KLHDC8B: variants seen among roughly 807,000 people sequenced by gnomAD.
The protein encoded by KLHDC8B is kelch domain-containing protein 8B.
A neutral mutation model predicts 26.3 loss-of-function variants in KLHDC8B; 19 were observed. The observed-to-expected ratio is 0.72, with a 90% confidence interval of 0.50 to 1.06. The LOEUF (loss-of-function observed/expected upper bound fraction) is 1.06, where lower values mean the gene tolerates loss of function less well. Among genes scored for constraint, KLHDC8B ranks in the 50% least tolerant of loss-of-function variants. KLHDC8B has a pLI of 0.00. For synonymous variants in KLHDC8B, 150 were observed against 188.4 expected (o/e 0.80, Z 1.67); for missense variants, 411 against 488.1 (o/e 0.84, Z 1.49).
chr3:49,174,915 T>G lies in KLHDC8B; in HGVS notation c.715T>G (p.Tyr239Asp). The change falls in exon 4 of 6, where the codon TAC becomes GAC. Residue 239 changes from tyrosine (Y) to aspartate (D), a missense_variant. Tyr to Asp is a radical substitution (Grantham distance 160, BLOSUM62 -3). Coordinates refer to ENST00000332780, the MANE Select transcript of KLHDC8B (RefSeq NM_173546.3). ...GLQQPGPHNF[Y>D]SRPHFVNTVE... ...GCAGCAGCCTGGGCCCCACAACTTC[T>G]ACTCTCGCCCACACTTTGTCAACAC... 3 of 1,614,174 alleles carry G rather than the reference T, an allele frequency of 1.9e-6. No individual in the cohort carries two copies. Among genetic ancestry groups the G allele is most frequent in the Non-Finnish European group, 2.5e-6 (3 of 1,180,032 alleles).
At position 49,175,620 on chromosome 3, in the gene KLHDC8B, C is replaced by T. The variant is rs375754493; in HGVS notation, c.884C>T (p.Pro295Leu). 2 of 1,568,296 alleles carry T rather than the reference C, an allele frequency of 1.3e-6. No individual in the cohort carries two copies. The highest frequency in any genetic ancestry group is 1.7e-6 in the Non-Finnish European group (2 of 1,156,366). ...AIGGLGNQPCPLGSVESFSLA... is the reference protein window; with the variant it reads ...AIGGLGNQPCLLGSVESFSLA... ...CTTCTTGCAGGAAACCAGCCATGTC[C>T]TTTGGGCTCTGTGGAGAGCTTTAGC... The change falls in exon 6 of 6, where the codon CCT (proline) becomes CTT (leucine). Residue 295 changes from proline (P) to leucine (L), a missense_variant. Coordinates refer to ENST00000332780, the MANE Select transcript of KLHDC8B (RefSeq NM_173546.3).
Position 49,172,645 on chromosome 3 carries a change from A to G in KLHDC8B, c.-125A>G, listed in dbSNP as rs1024870769. 1.1e-6 allele frequency: 1 copy of G among 921,446 alleles called. No homozygotes were observed. The highest frequency in any genetic ancestry group is 1.6e-6 in the Non-Finnish European group (1 of 625,102). 57.1% of individuals were successfully genotyped at this position (921,446 alleles called of 1,614,324 possible). A position where few individuals can be genotyped will look rare whatever the true frequency, so the allele number is the denominator to read the frequency against. ...TCCCTCTTTCCTCCAGGTGAAGGCA[A>G]GGTCCCTGGACTGGTCATATACCTC... On this transcript the variant is annotated 5_prime_UTR_variant, in exon 2 of 6. Coordinates refer to ENST00000332780, the MANE Select transcript of KLHDC8B (RefSeq NM_173546.3).
chr3:49,174,603 C>G, intron 3 of KLHDC8B, 139 bp from the exon 4 acceptor site: 1 of 1,289,000 alleles, frequency 7.8e-7, no homozygotes, highest in South Asian at 1.5e-5. Context: ...ACCTGAGGGA[C>G]TGTAGGGTGG....
rs1319706735 is a variant in KLHDC8B, at chr3:49,174,865, G to C, written c.665G>C (p.Gly222Ala). ...TTTGCTGGCTGCGCCATGGCTGAAG[G>C]CAGCGTCTTTAGCCTGGGTGGCCTG... ...RAFAGCAMAE[G>A]SVFSLGGLQQ... The change falls in exon 4 of 6, where the codon GGC becomes GCC. Residue 222 changes from glycine to alanine, a missense_variant. By Grantham distance (60) the Gly-to-Ala change is moderately conservative. Coordinates refer to ENST00000332780, the MANE Select transcript of KLHDC8B (RefSeq NM_173546.3). The C allele has an allele frequency of 6.2e-7, 1 of 1,614,156 alleles. No individual in the cohort carries two copies. Among genetic ancestry groups the C allele is most frequent in the Admixed American group, 1.7e-5 (1 of 60,030 alleles).
Position 49,172,806 on chromosome 3 carries a change from G to C in KLHDC8B, c.37G>C (p.Val13Leu), listed in dbSNP as rs199565210. 2.5e-6 allele frequency: 4 copies of C among 1,613,906 alleles called. No individual in the cohort carries two copies. Among genetic ancestry groups the C allele is most frequent in the Middle Eastern group, 1.7e-4 (1 of 6,058 alleles). ...AGGTGGCCGGGCCTTTGCTTGGCAAGTGTTCCCCCCCATGCCCACTTGCCG... is the reference window on the plus strand; with the variant it reads ...AGGTGGCCGGGCCTTTGCTTGGCAACTGTTCCCCCCCATGCCCACTTGCCG... ...AGGGRAFAWQ[V>L]FPPMPTCRVY... Residue 13 changes from valine (V) to leucine (L), a missense_variant, in exon 2 of 6, where the codon GTG becomes CTG. Coordinates refer to ENST00000332780, the MANE Select transcript of KLHDC8B (RefSeq NM_173546.3).
At position 49,174,396 on chromosome 3, in the gene KLHDC8B, T is replaced by C. The variant is rs1484392970; in HGVS notation, c.534T>C (p.Tyr178=). Residue 178 remains tyrosine, a synonymous_variant, in exon 3 of 6, where the codon TAT becomes TAC. Coordinates refer to ENST00000332780, the MANE Select transcript of KLHDC8B (RefSeq NM_173546.3). The part of the protein sequence containing the change: ...ASTFLHGNKI[Y]VLGGRQGKLP... ...CCTTCCTGCACGGGAACAAGATCTA[T>C]GTCCTGGGTAAGGGCCTGGGGAATG... 3.7e-6 allele frequency: 6 copies of C among 1,612,668 alleles called. No homozygotes were observed. In the East Asian group the frequency reaches 1.3e-4, roughly 36 times the overall value.
intron 5 of KLHDC8B, among the ~76,000 whole-genome samples, 160 bp from the exon 6 acceptor site, chr3:49,175,445 A>G (rs1209622697): frequency 6.6e-6 from 1 of 152,218 alleles, no homozygotes; most frequent in Non-Finnish European, 1.5e-5. Flanking sequence ...ATAGAAACAT[A>G]AATGAATGAA....
rs368617575 is a variant in KLHDC8B at position 49,172,969 on chromosome 3, C to T, written c.200C>T (p.Thr67Ile). The stretch of plus-strand genomic sequence containing the variant: ...TGGCTGGCACTGGCACCCCTGCCCA[C>T]TGCCCGGGCTGGTGCAGCTGCGGTA... ...HTWLALAPLP[T>I]ARAGAAAVVL... Residue 67 changes from threonine to isoleucine, a missense_variant, in exon 2 of 6, where the codon ACT (threonine) becomes ATT (isoleucine). By Grantham distance (89) the Thr-to-Ile change is moderately conservative. Transcript: ENST00000332780. The T allele has an allele frequency of 9.9e-6, 16 of 1,613,994 alleles. No individual in the cohort carries two copies. The highest frequency in any genetic ancestry group is 2.2e-5 in the East Asian group (1 of 44,886).
chr3:49,175,072 C>T lies in KLHDC8B; in HGVS notation c.777C>T (p.Thr259=), dbSNP rs1445604746. 1.2e-6 allele frequency: 2 copies of T among 1,614,138 alleles called. No individual in the cohort carries two copies. Among genetic ancestry groups the T allele is most frequent in the Non-Finnish European group, 1.7e-6 (2 of 1,179,992 alleles). The change falls in exon 5 of 6, where the codon ACC becomes ACT. Residue 259 remains threonine (T), a synonymous_variant. Coordinates refer to ENST00000332780, the MANE Select transcript of KLHDC8B (RefSeq NM_173546.3). ...EMFDLEHGSW[T]KLPRSLRMRD... ...TCCCCTCTCCTGCAGGGTCCTGGAC[C>T]AAATTGCCCCGCAGCCTGCGCATGA...
chr3:49,172,122 T>C (rs1228342930), intron 1 of KLHDC8B, among the ~76,000 whole-genome samples: 1 of 152,138 alleles, frequency 6.6e-6, no homozygotes, highest in Non-Finnish European at 1.5e-5. Flanking sequence ...TCTGGTCTTT[T>C]ACTAGTGGGA....
At chr3:49,174,671 A>G in intron 3 of KLHDC8B, 71 bp from the exon 4 acceptor site, 2 of 1,524,744 alleles carry the variant, frequency 1.3e-6, no homozygotes, top group East Asian at 4.6e-5. Flanking sequence ...CAGGCAGATT[A>G]GCAACCTAGT....
At chr3:49,173,738 CTT>C (rs2045791713) in intron 2 of KLHDC8B, among the ~76,000 whole-genome samples, 2 of 152,062 alleles carry the variant, frequency 1.3e-5, no homozygotes, top group South Asian at 4.1e-4. Flanking sequence ...GGGCAGAAGG[CTT>C]GTGGACAGTA....
chr3:49,173,328 T>A (rs1348909619), intron 2 of KLHDC8B, among the ~76,000 whole-genome samples, 183 bp downstream of exon 2: 1 of 152,174 alleles, frequency 6.6e-6, no homozygotes, highest in African/African-American at 2.4e-5. Context: ...ATTAACTGCC[T>A]TTTCTGGCTA....
intron 3 of KLHDC8B, 33 bp downstream of exon 3, chr3:49,174,436 A>AAG: frequency 6.3e-7 from 1 of 1,593,102 alleles, no homozygotes; most frequent in Non-Finnish European, 8.6e-7. Flanking sequence ...AAGGGGGCTC[A>AAG]GAGTCTAGAA....
At chr3:49,175,004 T>A (rs1474253478) in intron 4 of KLHDC8B, 38 bp downstream of exon 4, 1 of 1,613,734 alleles carries the variant, frequency 6.2e-7, no homozygotes, top group Admixed American at 1.7e-5. Context: ...TCCCGCTCTC[T>A]GTGGGATGGA....
intron 2 of KLHDC8B, among the ~76,000 whole-genome samples, chr3:49,173,429 G>A (rs1026329839): frequency 1.4e-4 from 21 of 152,162 alleles, no homozygotes; most frequent in Non-Finnish European, 2.6e-4. Flanking sequence ...AGATGGGGGT[G>A]GGATGGCCTA....
At chr3:49,174,540 C>A in intron 3 of KLHDC8B, 137 bp downstream of exon 3, 1 of 1,189,290 alleles carries the variant, frequency 8.4e-7, no homozygotes, top group Non-Finnish European at 1.2e-6. Context: ...CATGCCTGCT[C>A]TGAGGCTCTG....
Position 49,173,041 on chromosome 3 carries a change from A to G in KLHDC8B, c.272A>G (p.Gln91Arg). The G allele has an allele frequency of 3.1e-6, 5 of 1,611,504 alleles. No homozygotes were observed. The highest frequency in any genetic ancestry group is 4.2e-6 in the Non-Finnish European group (5 of 1,179,028). The change falls in exon 2 of 6, where the codon CAG becomes CGG. Residue 91 changes from glutamine to arginine, a missense_variant. Gln to Arg is a conservative substitution (Grantham distance 43, BLOSUM62 1). Coordinates refer to ENST00000332780, the MANE Select transcript of KLHDC8B (RefSeq NM_173546.3). ...GTGGTGGGTGGTGTGGATGAGGTCCAGAGCCCGGTAGCTGCTGTAGAGGCC... is the reference window on the plus strand; with the variant it reads ...GTGGTGGGTGGTGTGGATGAGGTCCGGAGCCCGGTAGCTGCTGTAGAGGCC... Reference protein sequence around the residue: ...VLVVGGVDEVQSPVAAVEAFL... With the variant: ...VLVVGGVDEVRSPVAAVEAFL...
At position 49,175,878 on chromosome 3, in the gene KLHDC8B, G is replaced by A; in HGVS notation, c.*77G>A. On this transcript the variant is annotated 3_prime_UTR_variant, in exon 6 of 6. Transcript: ENST00000332780. ...TTCTATGGCTCCTTTTGCTGCTGAGGACACTCACTGTGGCTCTGTGGGATG... is the reference window on the plus strand; with the variant it reads ...TTCTATGGCTCCTTTTGCTGCTGAGAACACTCACTGTGGCTCTGTGGGATG... 7.1e-7 allele frequency: 1 copy of A among 1,415,520 alleles called. No homozygotes were observed. The highest frequency in any genetic ancestry group is 9.9e-7 in the Non-Finnish European group (1 of 1,010,388). 87.7% of individuals were successfully genotyped at this position (1,415,520 alleles called of 1,614,324 possible). A position where few individuals can be genotyped will look rare whatever the true frequency, so the allele number is the denominator to read the frequency against.
Sources: allele counts gnomAD v4.1 joint callset (sites outside exome capture counted in the v4.1 genomes callset), GRCh38; gene constraint gnomAD v4.1.1; transcripts MANE v1.5; gene names NCBI Gene and HGNC (gene_info 2026-07-23, HGNC 2026-07-21).